CPLX2: variants seen among roughly 807,000 people sequenced by gnomAD.
The protein encoded by CPLX2 is complexin-2.
A neutral mutation model predicts 16.3 loss-of-function variants in CPLX2; 5 were observed. That is an observed-to-expected ratio of 0.31 (90% CI 0.16 to 0.64). The LOEUF (loss-of-function observed/expected upper bound fraction) is 0.64. CPLX2 is among the 30% of genes least tolerant of loss of function. The probability of loss-of-function intolerance (pLI) is 0.79; values close to 1 mark genes in which losing one functional copy is unlikely to be tolerated. For synonymous variants in CPLX2, 89 were observed against 73.2 expected (o/e 1.22, Z -1.10); for missense variants, 144 against 181.4 (o/e 0.79, Z 1.18).
intron 2 of CPLX2, among the ~76,000 whole-genome samples, chr5:175,847,078 G>A (rs1008661423): frequency 2.6e-5 from 4 of 152,226 alleles, no homozygotes; most frequent in Admixed American, 1.3e-4. Flanking sequence ...GGAGACCCCC[G>A]CCTGGAGTCT....
chr5:175,878,546 G>A (rs1309602382), intron 1 of CPLX2, 106 bp from the exon 2 acceptor site: 9 of 632,468 alleles, frequency 1.4e-5, no homozygotes, highest in African/African-American at 1.1e-4. Context: ...ACCTCAGAGC[G>A]ATGGGTGCCT....
intron 1 of CPLX2, among the ~76,000 whole-genome samples, chr5:175,807,125 G>A (rs760294831): frequency 6.6e-6 from 1 of 152,186 alleles, no homozygotes. Context: ...CCCCTCGCCT[G>A]CACAGGAGAA....
intron 1 of CPLX2, among the ~76,000 whole-genome samples, chr5:175,808,209 C>T (rs1407778025): frequency 6.6e-6 from 1 of 152,124 alleles, no homozygotes; most frequent in Non-Finnish European, 1.5e-5. Context: ...AGACCATCTC[C>T]CCCTCTCCGC....
chr5:175,820,302 T>G (rs1341986492), intron 2 of CPLX2, among the ~76,000 whole-genome samples: 2 of 152,196 alleles, frequency 1.3e-5, no homozygotes, highest in Non-Finnish European at 2.9e-5. Context: ...CTTAGTTTAC[T>G]TGGCACACAC....
intron 2 of CPLX2, among the ~76,000 whole-genome samples, chr5:175,821,159 C>A (rs559214545): frequency 7.9e-5 from 12 of 152,282 alleles, no homozygotes; most frequent in Non-Finnish European, 1.6e-4. Flanking sequence ...GGATCCTGAG[C>A]AAACTGAGTC....
intron 2 of CPLX2, among the ~76,000 whole-genome samples, chr5:175,822,094 A>T (rs1758521139): frequency 1.3e-5 from 2 of 152,178 alleles, no homozygotes; most frequent in African/African-American, 2.4e-5. Context: ...TTTGAATGTC[A>T]TCTTTCTTTC....
intron 1 of CPLX2, among the ~76,000 whole-genome samples, chr5:175,804,187 T>C (rs367581269): frequency 1.3e-5 from 2 of 152,194 alleles, no homozygotes; most frequent in East Asian, 1.9e-4. Context: ...GTGAAATGAA[T>C]TGTGCATAAG....
intron 1 of CPLX2, among the ~76,000 whole-genome samples, chr5:175,798,762 CA>C (rs1459067054): frequency 1.3e-5 from 2 of 152,152 alleles, no homozygotes; most frequent in Non-Finnish European, 2.9e-5. Flanking sequence ...TCAGCTTCAA[CA>C]GTTGGCCAAT....
chr5:175,823,573 C>CCT (rs1758552487), intron 2 of CPLX2, among the ~76,000 whole-genome samples: 2 of 152,098 alleles, frequency 1.3e-5, no homozygotes, highest in African/African-American at 2.4e-5. Context: ...TAGATGAACC[C>CCT]CAAGTTCGGG....
chr5:175,824,435 G>A (rs192114501), intron 2 of CPLX2, among the ~76,000 whole-genome samples: 150 of 152,320 alleles, frequency 9.8e-4, no homozygotes, highest in African/African-American at 3.5e-3. Context: ...CCAGGCTGGG[G>A]ACCAGGGACC....
chr5:175,798,872 C>T (rs887148801), intron 1 of CPLX2, among the ~76,000 whole-genome samples: 10 of 152,142 alleles, frequency 6.6e-5, no homozygotes, highest in African/African-American at 2.4e-4. Context: ...GGAAGCAAAC[C>T]CAAGACATCA....
chr5:175,860,498 AAAAGAAAGAAAGAAAGAAAAAGAAAG>A (rs1759344706), intron 2 of CPLX2, among the ~76,000 whole-genome samples: 1 of 24,324 alleles, frequency 4.1e-5, no homozygotes, highest in African/African-American at 1.6e-4. Flanking sequence ...AGAAAGAAAG[AAAAGAAAGAAAGAAAGAAAAAGAAAG>A]AAAGAAAGAA....
chr5:175,880,398 T>C lies in CPLX2; in HGVS notation c.*353T>C. ...CACTGTCCCCAGCCAGCCAAAGTAA[T>C]GACACATTCCAGCCCTGCCCAGCAT... On this transcript the variant is annotated 3_prime_UTR_variant, in exon 4 of 4. Coordinates refer to ENST00000393745, the MANE Select transcript of CPLX2 (RefSeq NM_001008220.2). The C allele has an allele frequency of 2.6e-6, 1 of 378,422 alleles. No homozygotes were observed. Among genetic ancestry groups the C allele is most frequent in the South Asian group, 2.1e-5 (1 of 47,300 alleles). The allele number at this position is 378,422 out of a possible 1,614,324, so 23.4% of individuals were successfully genotyped here. A position where few individuals can be genotyped will look rare whatever the true frequency, so the allele number is the denominator to read the frequency against.
At chr5:175,867,771 T>C (rs568071896), upstream of CPLX2, among the ~76,000 whole-genome samples, 49 of 151,912 alleles carry the variant, frequency 3.2e-4, no homozygotes, top group African/African-American at 1.2e-3. Flanking sequence ...ACATGAGTGC[T>C]GCCACTCTCC....
Position 175,799,546 on chromosome 5 carries a change from A to ATATTTATATATATTTT in CPLX2, c.-169+2765_-169+2766insTTATATATATTTTTAT, listed in dbSNP as rs1348959103. ...AGATCCCTTTGCAAATTTCATATAT[A>ATATTTATATATATTTT]TATATATATATATATATATATATAT... is the stretch of plus-strand genomic sequence containing the variant. On this transcript the variant is annotated intron_variant, in intron 1 of 4. Coordinates refer to the CPLX2 transcript ENST00000359546. Among the ~76,000 whole-genome samples, 6 of 107,518 alleles carry ATATTTATATATATTTT rather than the reference A, an allele frequency of 5.6e-5. No individual in the cohort carries two copies. The East Asian group carries it at 1.6e-3, about 29-fold the overall frequency. The allele number at this position is 107,518 out of a possible 152,430, so 70.5% of individuals were successfully genotyped here. A position where few individuals can be genotyped will look rare whatever the true frequency, so the allele number is the denominator to read the frequency against.
upstream of CPLX2, chr5:175,871,410 G>GGAGAGAGAGAGAGAGAGAGAGAGA (rs72487413): frequency 3.5e-5 from 1 of 28,682 alleles, no homozygotes; most frequent in African/African-American, 1.3e-4. Flanking sequence ...AAGAGAGAGA[G>GGAGAGAGAGAGAGAGAGAGAGAGA]GAGAGAGAGA....
At chr5:175,846,363 C>T (rs944564059) in intron 2 of CPLX2, among the ~76,000 whole-genome samples, 1 of 152,104 alleles carries the variant, frequency 6.6e-6, no homozygotes, top group African/African-American at 2.4e-5. Context: ...CTAGCTCTCT[C>T]CACCTCCCTC....
chr5:175,865,964 T>C (rs1759468495), intron 2 of CPLX2, among the ~76,000 whole-genome samples: 1 of 152,234 alleles, frequency 6.6e-6, no homozygotes, highest in Admixed American at 6.5e-5. Flanking sequence ...CTAAATGTGA[T>C]TCTAAAATGG....
At chr5:175,818,650 C>CAT (rs1758451372) in intron 2 of CPLX2, among the ~76,000 whole-genome samples, 1 of 50,864 alleles carries the variant, frequency 2.0e-5, no homozygotes, top group Non-Finnish European at 3.5e-5. Context: ...CTGTCCCAAC[C>CAT]TTTTTTTTTT....
Sources: allele counts gnomAD v4.1 joint callset (sites outside exome capture counted in the v4.1 genomes callset), GRCh38; gene constraint gnomAD v4.1.1; transcripts MANE v1.5; gene names NCBI Gene and HGNC (gene_info 2026-07-23, HGNC 2026-07-21).